The following SPHKAP variants were observed in gnomAD, a reference collection of about 807,000 sequenced individuals.
SPHKAP encodes A-kinase anchor protein SPHKAP.
Under a neutral mutation model 137.5 loss-of-function variants are expected in SPHKAP, and 67 were observed. That is an observed-to-expected ratio of 0.49 (90% CI 0.40 to 0.60). SPHKAP has a LOEUF of 0.60. Ranked by LOEUF, SPHKAP falls within the 20% of genes least tolerant of loss-of-function variation. The probability of loss-of-function intolerance (pLI) is 0.00; values close to 1 mark genes in which losing one functional copy is unlikely to be tolerated. For missense variants in SPHKAP, 2,097 were observed against 2,069.3 expected (o/e 1.01, Z -0.26); for synonymous variants, 813 against 785.3 (o/e 1.04, Z -0.59).
At chr2:228,023,448 TGCATTA>T (rs1356238109) in intron 5 of SPHKAP, among the ~76,000 whole-genome samples, 6 of 152,208 alleles carry the variant, frequency 3.9e-5, no homozygotes, top group African/African-American at 1.2e-4. Context: ...GATGTGTACA[TGCATTA>T]GCATTTGAGA....
At chr2:228,049,715 T>C (rs1696187263) in intron 3 of SPHKAP, among the ~76,000 whole-genome samples, 1 of 152,228 alleles carries the variant, frequency 6.6e-6, no homozygotes, top group South Asian at 2.1e-4. Context: ...GTACCCAATG[T>C]TTAGCTCTTA....
intron 1 of SPHKAP, among the ~76,000 whole-genome samples, chr2:228,156,830 C>T (rs1457883494): frequency 6.6e-6 from 1 of 152,096 alleles, no homozygotes; most frequent in Non-Finnish European, 1.5e-5. Context: ...TGCTTGTCAC[C>T]ATGTAAGACG....
At chr2:227,987,350 C>G (rs1345455633) in intron 11 of SPHKAP, among the ~76,000 whole-genome samples, 1 of 152,160 alleles carries the variant, frequency 6.6e-6, no homozygotes, top group Non-Finnish European at 1.5e-5. Context: ...CTCAAGGTTG[C>G]TATTTACAAT....
intron 3 of SPHKAP, among the ~76,000 whole-genome samples, chr2:228,101,949 A>G (rs1264991036): frequency 6.6e-6 from 1 of 152,224 alleles, no homozygotes. Context: ...AACTTTATCA[A>G]CTTATACTCC....
At chr2:228,128,789 T>A (rs1699156600) in intron 2 of SPHKAP, among the ~76,000 whole-genome samples, 1 of 152,196 alleles carries the variant, frequency 6.6e-6, no homozygotes, top group African/African-American at 2.4e-5. Flanking sequence ...GTGACCAGAT[T>A]CATTGTCAAT....
intron 11 of SPHKAP, 191 bp from the exon 12 acceptor site, chr2:227,982,051 A>ATTTTTTTTTTTTTTTTT (rs3082640): frequency 2.3e-6 from 2 of 860,744 alleles, no homozygotes; most frequent in African/African-American, 1.9e-5. Context: ...CATCAAGTGA[A>ATTTTTTTTTTTTTTTTT]TTTTTTTTTT....
At chr2:228,154,533 T>TATATA (rs57634967) in intron 1 of SPHKAP, among the ~76,000 whole-genome samples, 6 of 15,514 alleles carry the variant, frequency 3.9e-4, no homozygotes, top group East Asian at 3.2e-3. Flanking sequence ...TATATATATA[T>TATATA]TTTTTTTTTT....
chr2:228,109,007 C>CT (rs11374866), intron 2 of SPHKAP, 68 bp from the exon 3 acceptor site: 282,041 of 708,642 alleles, frequency 0.4, 24,369 homozygotes, highest in Admixed American at 0.53. Context: ...AGCTCTCTCT[C>CT]TTTTTTTTTT....
intron 1 of SPHKAP, among the ~76,000 whole-genome samples, chr2:228,156,347 T>C (rs540170141): frequency 6.6e-6 from 1 of 152,312 alleles, no homozygotes; most frequent in Admixed American, 6.5e-5. Flanking sequence ...TAAATTGTCA[T>C]GGTTATATGT....
rs776408173 is a variant in SPHKAP, at chr2:228,019,725, C to A, written c.1129G>T (p.Ala377Ser). 3 of 1,614,038 alleles carry A rather than the reference C, an allele frequency of 1.9e-6. No homozygotes were observed. Among genetic ancestry groups the A allele is most frequent in the African/African-American group, 1.3e-5 (1 of 74,930 alleles). Residue 377 changes from alanine (A) to serine (S), a missense_variant, in exon 7 of 12, where the codon GCT becomes TCT. Physicochemically the swap from Ala to Ser is moderately conservative, Grantham distance 99 (BLOSUM62 1). Coordinates refer to ENST00000392056, the MANE Select transcript of SPHKAP (RefSeq NM_001142644.2). ...TCTCCATCTTGTCTAGGAGGGAGAG[C>A]GTTTCTTGTGTCTTCATGGTCTCCT... ...NPGDHEDTRN[A>S]LPPRQDGEVT...
At chr2:228,052,391 C>T (rs1291388322) in intron 3 of SPHKAP, among the ~76,000 whole-genome samples, 5 of 152,094 alleles carry the variant, frequency 3.3e-5, no homozygotes, top group African/African-American at 1.2e-4. Flanking sequence ...TTCTTAGCAT[C>T]ATGAAATTCT....
chr2:228,115,581 A>C (rs1229663957), intron 2 of SPHKAP, among the ~76,000 whole-genome samples: 1 of 152,162 alleles, frequency 6.6e-6, no homozygotes, highest in Non-Finnish European at 1.5e-5. Context: ...AAAAAATAGC[A>C]ATTTTTTAGT....
intron 3 of SPHKAP, among the ~76,000 whole-genome samples, chr2:228,058,791 G>A (rs952237697): frequency 6.6e-6 from 1 of 152,136 alleles, no homozygotes; most frequent in Non-Finnish European, 1.5e-5. Flanking sequence ...CACTTTCAAT[G>A]TTTTGTTCCA....
At chr2:228,119,456 T>TACACACACACACACACACACACACACAC (rs55846474) in intron 2 of SPHKAP, among the ~76,000 whole-genome samples, 2,254 of 135,784 alleles carry the variant, frequency 0.017, 28 homozygotes, top group Middle Eastern at 0.024. Context: ...AAGCCTAGTA[T>TACACACACACACACACACACACACACAC]ACACACACAC....
chr2:228,100,162 C>A (rs879820189), intron 3 of SPHKAP, among the ~76,000 whole-genome samples: 1 of 152,132 alleles, frequency 6.6e-6, no homozygotes, highest in Non-Finnish European at 1.5e-5. Context: ...GGAAATGCTA[C>A]TGATTTTTAT....
chr2:227,981,969 C>G, intron 11 of SPHKAP, 109 bp from the exon 12 acceptor site: 2 of 1,398,572 alleles, frequency 1.4e-6, no homozygotes, highest in South Asian at 3.6e-5. Context: ...GTTTAAATGT[C>G]TCTAGTGTCA....
chr2:228,020,104 C>A lies in SPHKAP; in HGVS notation c.750G>T (p.Lys250Asn). Residue 250 changes from lysine to asparagine, a missense_variant, in exon 7 of 12, where the codon AAG becomes AAT. Physicochemically the swap from Lys to Asn is moderately conservative, Grantham distance 94. Coordinates refer to ENST00000392056, the MANE Select transcript of SPHKAP (RefSeq NM_001142644.2). The stretch of plus-strand genomic sequence containing the variant: ...AATTCCATTCCACCTGGGTGGCTCC[C>A]TTTAGCTGTTTACTTTCCAAAACAT... ...SANVLESKQL[K>N]GATQVEWNCN... 6.2e-7 allele frequency: 1 copy of A among 1,612,954 alleles called. No homozygotes were observed. The highest frequency in any genetic ancestry group is 8.5e-7 in the Non-Finnish European group (1 of 1,179,744).
Position 228,019,299 on chromosome 2 carries a change from GTCTT to G in SPHKAP, c.1551_1554del (p.Glu517AspfsTer44). On this transcript the variant is annotated frameshift_variant, in exon 7 of 12. Coordinates refer to ENST00000392056, the MANE Select transcript of SPHKAP (RefSeq NM_001142644.2). LOFTEE classifies it high-confidence loss of function. The stretch of plus-strand genomic sequence containing the variant: ...TTCGAGACCACTTGCTCCATTTTGA[GTCTT>G]TCTGTGGCCTGTGGACTGGAAATAG... The G allele has an allele frequency of 2.5e-6, 4 of 1,614,144 alleles. No homozygotes were observed. The highest frequency in any genetic ancestry group is 3.4e-6 in the Non-Finnish European group (4 of 1,180,030).
intron 1 of SPHKAP, among the ~76,000 whole-genome samples, chr2:228,146,767 G>T (rs1020412708): frequency 3.9e-4 from 59 of 152,310 alleles, no homozygotes; most frequent in Admixed American, 3.9e-4. Flanking sequence ...ATATTCCATG[G>T]TGTATATGTA....
Sources: allele counts gnomAD v4.1 joint callset (sites outside exome capture counted in the v4.1 genomes callset), GRCh38; gene constraint gnomAD v4.1.1; transcripts MANE v1.5; gene names NCBI Gene and HGNC (gene_info 2026-07-23, HGNC 2026-07-21).